The following NEURL4 variants were observed in gnomAD, a reference collection of about 807,000 sequenced individuals.
NEURL4 encodes the protein neuralized E3 ubiquitin protein ligase 4, also known as neuralized-like protein 4.
In NEURL4, 45 loss-of-function variants were observed where a neutral mutation model predicts 148.0. The observed-to-expected ratio is 0.30, with a 90% CI of 0.24 to 0.39. The LOEUF (loss-of-function observed/expected upper bound fraction) is 0.39. Among genes scored for constraint, NEURL4 ranks in the 10% least tolerant of loss-of-function variants. The pLI, the probability that NEURL4 is intolerant of heterozygous loss-of-function variation, is 1.00. For synonymous variants in NEURL4, 854 were observed against 869.0 expected (o/e 0.98, Z 0.30); for missense variants, 1,776 against 2,144.0 (o/e 0.83, Z 3.39).
chr17:7,324,846 T>C lies in NEURL4; in HGVS notation c.1766A>G (p.Asn589Ser), dbSNP rs529922825. 5.9e-5 allele frequency: 95 copies of C among 1,614,104 alleles called. 1 individual carries two copies. The South Asian group carries it at 1.0e-3, about 17-fold the overall frequency. Residue 589 changes from asparagine to serine, a missense_variant, in exon 9 of 29, where the codon AAC becomes AGC. Asn to Ser is a conservative substitution (Grantham distance 46). Coordinates refer to ENST00000399464, the MANE Select transcript of NEURL4 (RefSeq NM_032442.3). The surrounding 1 kb of genome is among the most constrained non-coding windows in gnomAD (Gnocchi z 5.9). ...GSIEIGVTTHNPAYLQLPSTM... is the reference protein window; with the variant it reads ...GSIEIGVTTHSPAYLQLPSTM... ...GGAGGGCAACTGGAGGTAGGCAGGG[T>C]TGTGGGTGGTGACACCAATTTCAAT...
In NEURL4 at chr17:7,318,172, C is replaced by G; in HGVS notation, c.3953G>C (p.Gly1318Ala). The change falls in exon 25 of 29, where the codon GGT (glycine) becomes GCT (alanine). Residue 1318 changes from glycine (G) to alanine (A), a missense_variant and splice_region_variant. Transcript: ENST00000399464. This position sits in a 1 kb window ranked among gnomAD's most constrained non-coding sequence, Gnocchi z 4.3. ...GDMEKADMVD[G>A]IKESVCWGPP... ...ACCCCAGCACACACTCTCTTTGATACCTGAGGGAGCAGAGGGGCACAGGTC... is the reference window on the plus strand; with the variant it reads ...ACCCCAGCACACACTCTCTTTGATAGCTGAGGGAGCAGAGGGGCACAGGTC... 1 of 1,613,962 alleles carries G rather than the reference C, an allele frequency of 6.2e-7. No homozygotes were observed. The highest frequency in any genetic ancestry group is 8.5e-7 in the Non-Finnish European group (1 of 1,179,844).
At position 7,329,065 on chromosome 17, in the gene NEURL4, T is replaced by C; in HGVS notation, c.248A>G (p.Asp83Gly). ...GLVLSREPLR[D>G]GRVFTVRIDR... ...GATGCGGACGGTGAAGACGCGTCCA[T>C]CGCGCAAGGGTTCTCGGCTCAACAC... The change falls in exon 1 of 29, where the codon GAT becomes GGT. Residue 83 changes from aspartate to glycine, a missense_variant. Coordinates refer to ENST00000399464, the MANE Select transcript of NEURL4 (RefSeq NM_032442.3). 6.3e-7 allele frequency: 1 copy of C among 1,596,844 alleles called. No homozygotes were observed. Among genetic ancestry groups the C allele is most frequent in the Non-Finnish European group, 8.5e-7 (1 of 1,171,476 alleles).
In NEURL4 at chr17:7,322,714, G is replaced by A. The variant is rs1369707576; in HGVS notation, c.2725+21C>T. ...ACAGCAGGCAAGCAGAGCCCGTCCA[G>A]CCCCCGCCCTGCTGCCGCACCTGGG... On this transcript the variant is annotated intron_variant, in intron 16 of 28. Coordinates refer to ENST00000399464, the MANE Select transcript of NEURL4 (RefSeq NM_032442.3). This position sits in a 1 kb window ranked among gnomAD's most constrained non-coding sequence, Gnocchi z 5.5. 1.9e-6 allele frequency: 3 copies of A among 1,606,704 alleles called. No individual in the cohort carries two copies. In the South Asian group the frequency reaches 3.3e-5, roughly 18 times the overall value.
intron 21 of NEURL4, 84 bp from the exon 22 acceptor site, chr17:7,319,292 C>T: frequency 1.6e-6 from 2 of 1,271,162 alleles, no homozygotes; most frequent in Non-Finnish European, 1.1e-6. Flanking sequence ...GAATACTGCA[C>T]CTCCCAGAAT....
Position 7,326,517 on chromosome 17 carries a change from G to T in NEURL4, c.1124C>A (p.Ser375Ter). 6.2e-7 allele frequency: 1 copy of T among 1,614,070 alleles called. No homozygotes were observed. The highest frequency in any genetic ancestry group is 1.1e-5 in the South Asian group (1 of 91,036). Residue 375 changes from serine (S) to a stop codon, truncating the protein, a stop_gained, in exon 5 of 29, where the codon TCA becomes TAA. Transcript: ENST00000399464. LOFTEE classifies it high-confidence loss of function. The surrounding 1 kb of genome is among the most constrained non-coding windows in gnomAD (Gnocchi z 6.0). Reference sequence around the variant, plus strand: ...GGTGACCCCAATCTCAATGGAGCCTGACCACTTATCAACAAGCTTGTCGAT... The same window carrying T: ...GGTGACCCCAATCTCAATGGAGCCTTACCACTTATCAACAAGCTTGTCGAT... The part of the protein sequence containing the change: ...IRIDKLVDKW[S>*]GSIEIGVTTH...
At position 7,324,722 on chromosome 17, in the gene NEURL4, G is replaced by T; in HGVS notation, c.1813+77C>A. The T allele has an allele frequency of 2.7e-6, 4 of 1,488,020 alleles. No individual in the cohort carries two copies. The highest frequency in any genetic ancestry group is 3.7e-6 in the Non-Finnish European group (4 of 1,074,668). 92.2% of individuals were successfully genotyped at this position (1,488,020 alleles called of 1,614,324 possible). On this transcript the variant is annotated intron_variant, in intron 9 of 28. Transcript: ENST00000399464. This position sits in a 1 kb window ranked among gnomAD's most constrained non-coding sequence, Gnocchi z 5.9. ...AAGAGTGACAAGTGAAAAAGGAGCT[G>T]CAGAACAAGTGCCAGGGCTTTGGGG...
chr17:7,321,717 C>A lies in NEURL4; in HGVS notation c.2942G>T (p.Gly981Val). 1 of 1,613,786 alleles carries A rather than the reference C, an allele frequency of 6.2e-7. No individual in the cohort carries two copies. The highest frequency in any genetic ancestry group is 8.5e-7 in the Non-Finnish European group (1 of 1,180,046). ...ACCGCCTGCCCCGGGTCCCATCTCC[C>A]CCGGTGCTAGTGTGGTCAGCCCCAG... ...LRLGLTTLAPGEMGPGAGGGG... is the reference protein window; with the variant it reads ...LRLGLTTLAPVEMGPGAGGGG... The change falls in exon 18 of 29, where the codon GGG (glycine) becomes GTG (valine). Residue 981 changes from glycine (G) to valine (V), a missense_variant. Physicochemically the swap from Gly to Val is moderately radical, Grantham distance 109. Transcript: ENST00000399464. This position sits in a 1 kb window ranked among gnomAD's most constrained non-coding sequence, Gnocchi z 6.3.
Position 7,322,968 on chromosome 17 carries a change from G to A in NEURL4, c.2573C>T (p.Ser858Leu), listed in dbSNP as rs201728952. 2.3e-5 allele frequency: 37 copies of A among 1,613,340 alleles called. No homozygotes were observed. Among genetic ancestry groups the A allele is most frequent in the Non-Finnish European group, 2.5e-5 (30 of 1,179,828 alleles). ...GTCACCTTTACCCGGAGGCAGGCCCGAGCAGGCAGCGCCTTGGTCCTGGCC... is the reference window on the plus strand; with the variant it reads ...GTCACCTTTACCCGGAGGCAGGCCCAAGCAGGCAGCGCCTTGGTCCTGGCC... ...INGQDQGAAC[S>L]GLPPGKEVYA... The change falls in exon 15 of 29, where the codon TCG becomes TTG. Residue 858 changes from serine to leucine, a missense_variant. Coordinates refer to ENST00000399464, the MANE Select transcript of NEURL4 (RefSeq NM_032442.3). This position sits in a 1 kb window ranked among gnomAD's most constrained non-coding sequence, Gnocchi z 5.5.
chr17:7,320,949 G>T (rs776495334), intron 20 of NEURL4, 26 bp from the exon 21 acceptor site: 1 of 1,612,308 alleles, frequency 6.2e-7, no homozygotes. Flanking sequence ...GGACTGAGCT[G>T]CATGGGTTGC....
At chr17:7,319,761 T>C (rs1413457430) in intron 21 of NEURL4, among the ~76,000 whole-genome samples, 1 of 151,934 alleles carries the variant, frequency 6.6e-6, no homozygotes, top group Non-Finnish European at 1.5e-5. Context: ...TTGACCTTGC[T>C]GTTGCCTCTG....
chr17:7,329,182 A>C lies in NEURL4; in HGVS notation c.131T>G (p.Leu44Arg). The change falls in exon 1 of 29, where the codon CTG (leucine) becomes CGG (arginine). Residue 44 changes from leucine to arginine, a missense_variant. By Grantham distance (102) the Leu-to-Arg change is moderately radical. Transcript: ENST00000399464. ...CACCAAGCGCCCAGTGCGCGGGTGC[A>C]GTTCCCCGCCGCTGCCCAGACCCCC... ...SNGGLGSGGE[L>R]HPRTGRLVSL... is the part of the protein sequence containing the mutation. 1 of 1,589,140 alleles carries C rather than the reference A, an allele frequency of 6.3e-7. No individual in the cohort carries two copies. Among genetic ancestry groups the C allele is most frequent in the Non-Finnish European group, 8.5e-7 (1 of 1,170,558 alleles).
Position 7,321,719 on chromosome 17 carries a change from C to T in NEURL4, c.2940G>A (p.Pro980=), listed in dbSNP as rs374454273. 23 of 1,613,614 alleles carry T rather than the reference C, an allele frequency of 1.4e-5. No homozygotes were observed. Among genetic ancestry groups the T allele is most frequent in the Middle Eastern group, 1.6e-4 (1 of 6,084 alleles). The change falls in exon 18 of 29, where the codon CCG becomes CCA. Residue 980 remains proline, a synonymous_variant. Transcript: ENST00000399464. The surrounding 1 kb of genome is among the most constrained non-coding windows in gnomAD (Gnocchi z 6.3). ...SLRLGLTTLA[P]GEMGPGAGGG... is the part of the protein sequence containing the mutation. Reference sequence around the variant, plus strand: ...CGCCTGCCCCGGGTCCCATCTCCCCCGGTGCTAGTGTGGTCAGCCCCAGCC... The same window carrying T: ...CGCCTGCCCCGGGTCCCATCTCCCCTGGTGCTAGTGTGGTCAGCCCCAGCC...
intron 6 of NEURL4, among the ~76,000 whole-genome samples, 159 bp from the exon 7 acceptor site, chr17:7,325,872 C>T (rs945733717): frequency 2.6e-5 from 4 of 152,150 alleles, no homozygotes; most frequent in Admixed American, 6.5e-5. Context: ...TTCCACATTT[C>T]GTCAATGCTC....
chr17:7,318,578 T>G lies in NEURL4; in HGVS notation c.3781A>C (p.Asn1261His). The G allele has an allele frequency of 6.2e-7, 1 of 1,613,940 alleles. No individual in the cohort carries two copies. Among genetic ancestry groups the G allele is most frequent in the Non-Finnish European group, 8.5e-7 (1 of 1,179,994 alleles). ...DSSGGLHLHV[N>H]GVDQGVAVPD... ...ACAGCTACCCCCTGGTCCACCCCAT[T>G]AACATGAAGATGCAGCCCCCCAGAG... is the stretch of plus-strand genomic sequence containing the variant. The change falls in exon 23 of 29, where the codon AAT becomes CAT. Residue 1261 changes from asparagine to histidine, a missense_variant. Physicochemically the swap from Asn to His is moderately conservative, Grantham distance 68. Transcript: ENST00000399464. This position sits in a 1 kb window ranked among gnomAD's most constrained non-coding sequence, Gnocchi z 4.3.
At position 7,324,314 on chromosome 17, in the gene NEURL4, C is replaced by T. The variant is rs1239544110; in HGVS notation, c.1900-44G>A. 4.3e-6 allele frequency: 7 copies of T among 1,613,308 alleles called. No homozygotes were observed. The highest frequency in any genetic ancestry group is 5.9e-6 in the Non-Finnish European group (7 of 1,179,482). ...TGGAGTGAGGAGTCAGGCAGAGTTC[C>T]TGCCGGGGCTGGTCCTGCATCAGCC... On this transcript the variant is annotated intron_variant, in intron 10 of 28. Transcript: ENST00000399464. This position sits in a 1 kb window ranked among gnomAD's most constrained non-coding sequence, Gnocchi z 5.9.
In NEURL4 at chr17:7,315,664, T is replaced by G. The variant is rs950008496; in HGVS notation, c.*459A>C. On this transcript the variant is annotated 3_prime_UTR_variant, in exon 29 of 29. Transcript: ENST00000399464. ...ACGGTGTTTATTGGCTCCTTAGAAA[T>G]CAGAGTCAGTAACAACTGTACAGAG... The G allele has an allele frequency of 1.5e-5, 6 of 402,896 alleles. No individual in the cohort carries two copies. The highest frequency in any genetic ancestry group is 2.6e-5 in the Non-Finnish European group (6 of 228,186). 25.0% of individuals were successfully genotyped at this position (402,896 alleles called of 1,614,324 possible).
At position 7,325,427 on chromosome 17, in the gene NEURL4, G is replaced by A; in HGVS notation, c.1413C>T (p.Asp471=). ...LTPPVVYGVV[D]LYGMAVKVTI... ...TCACCTTCACTGCCATCCCGTACAA[G>A]TCCACCACACCATACACCACTGGGG... The change falls in exon 8 of 29, where the codon GAC becomes GAT. Residue 471 remains aspartate, a synonymous_variant. Coordinates refer to ENST00000399464, the MANE Select transcript of NEURL4 (RefSeq NM_032442.3). The A allele has an allele frequency of 1.9e-6, 3 of 1,612,882 alleles. No homozygotes were observed. Among genetic ancestry groups the A allele is most frequent in the South Asian group, 1.1e-5 (1 of 91,086 alleles).
Position 7,329,069 on chromosome 17 carries a change from G to A in NEURL4, c.244C>T (p.Arg82Cys), listed in dbSNP as rs781610156. The change falls in exon 1 of 29, where the codon CGC becomes TGC. Residue 82 changes from arginine (R) to cysteine (C), a missense_variant. By Grantham distance (180) the Arg-to-Cys change is radical. Transcript: ENST00000399464. The part of the protein sequence containing the change: ...HGLVLSREPL[R>C]DGRVFTVRID... ...CGGACGGTGAAGACGCGTCCATCGCGCAAGGGTTCTCGGCTCAACACCAGC... is the reference window on the plus strand; with the variant it reads ...CGGACGGTGAAGACGCGTCCATCGCACAAGGGTTCTCGGCTCAACACCAGC... The A allele has an allele frequency of 6.3e-7, 1 of 1,599,780 alleles. No homozygotes were observed. Among genetic ancestry groups the A allele is most frequent in the Non-Finnish European group, 8.5e-7 (1 of 1,173,686 alleles).
intron 28 of NEURL4, 52 bp downstream of exon 28, chr17:7,317,153 C>G: frequency 1.5e-6 from 2 of 1,354,142 alleles, no homozygotes; most frequent in African/African-American, 2.9e-5. Context: ...TGCGCTTGGG[C>G]CCTCTCCATC....
Sources: allele counts gnomAD v4.1 joint callset (sites outside exome capture counted in the v4.1 genomes callset), GRCh38; gene constraint gnomAD v4.1.1; non-coding constraint Gnocchi (gnomAD v3.1); transcripts MANE v1.5; gene names NCBI Gene and HGNC (gene_info 2026-07-23, HGNC 2026-07-21).